Variants in BTG4 observed in about 807,000 individuals in gnomAD.
BTG4 encodes the protein protein BTG4.
A neutral mutation model predicts 19.3 loss-of-function variants in BTG4; 10 were observed. That is an observed-to-expected ratio of 0.52 (90% CI 0.32 to 0.88). The LOEUF is 0.88. Ranked by LOEUF, BTG4 falls within the 40% of genes least tolerant of loss-of-function variation. The pLI is 0.04. For missense variants in BTG4, 238 were observed against 281.9 expected (o/e 0.84, Z 1.11); for synonymous variants, 91 against 95.7 (o/e 0.95, Z 0.29).
intron 5 of BTG4, among the ~76,000 whole-genome samples, chr11:111,470,263 T>C (rs1186397305): frequency 1.3e-5 from 2 of 152,180 alleles, no homozygotes; most frequent in Non-Finnish European, 2.9e-5. Flanking sequence ...TCATAATTTT[T>C]TGTAGAGACA....
the BTG4 span, among the ~76,000 whole-genome samples, chr11:111,459,256 TG>T: frequency 1.3e-5 from 2 of 151,864 alleles, no homozygotes; most frequent in Non-Finnish European, 2.9e-5. Flanking sequence ...AAAAAAATTG[TG>T]CATACTTTAT....
At chr11:111,391,935 C>A in the BTG4 span, among the ~76,000 whole-genome samples, 4 of 152,052 alleles carry the variant, frequency 2.6e-5, no homozygotes, top group Admixed American at 6.5e-5. Flanking sequence ...GCTCTCATTG[C>A]GTTCCATTCT....
chr11:111,502,785 T>A (rs1029372343), intron 1 of BTG4, among the ~76,000 whole-genome samples: 15 of 152,214 alleles, frequency 9.9e-5, no homozygotes, highest in Non-Finnish European at 1.5e-4. Flanking sequence ...AATGAGGTTT[T>A]GAACCCTCTC....
the BTG4 span, among the ~76,000 whole-genome samples, chr11:111,428,939 G>T: frequency 6.6e-6 from 1 of 152,190 alleles, no homozygotes; most frequent in Non-Finnish European, 1.5e-5. Flanking sequence ...GCAATCACCC[G>T]TAATATTTAC....
chr11:111,442,351 A>G, the BTG4 span, among the ~76,000 whole-genome samples: 1 of 151,526 alleles, frequency 6.6e-6, no homozygotes, highest in African/African-American at 2.4e-5. Flanking sequence ...AATACAAAAA[A>G]TTAGCCAGGC....
the BTG4 span, chr11:111,457,321 G>C: frequency 6.6e-6 from 1 of 152,630 alleles, no homozygotes; most frequent in Admixed American, 6.5e-5. Context: ...GGCCCCTCTG[G>C]AGATGGGGGG....
intron 1 of BTG4, among the ~76,000 whole-genome samples, chr11:111,509,881 C>T (rs1451942883): frequency 8.2e-5 from 12 of 146,398 alleles, no homozygotes; most frequent in Non-Finnish European, 1.8e-4. Context: ...CTCCAATTGT[C>T]TCCATCTTTT....
intron 5 of BTG4, chr11:111,475,465 T>G (rs1445551053): frequency 6.6e-6 from 1 of 151,870 alleles, no homozygotes; most frequent in Non-Finnish European, 1.5e-5. Context: ...AGTAGATGGA[T>G]ATATATATAT....
the BTG4 span, among the ~76,000 whole-genome samples, chr11:111,418,753 A>G: frequency 6.6e-6 from 1 of 152,218 alleles, no homozygotes; most frequent in Non-Finnish European, 1.5e-5. Flanking sequence ...TTGAGAGTCC[A>G]TGAAGAAGCT....
chr11:111,453,481 T>C, the BTG4 span: 1 of 456,442 alleles, frequency 2.2e-6, no homozygotes, highest in Non-Finnish European at 4.4e-6. Flanking sequence ...TCAGCAAGAA[T>C]GCAACCTCGA....
the BTG4 span, chr11:111,456,834 A>C: frequency 3.8e-6 from 1 of 260,496 alleles, no homozygotes; most frequent in Admixed American, 4.2e-5. This position sits in a 1 kb window ranked among gnomAD's most constrained non-coding sequence, Gnocchi z 4.2. Context: ...GCTCCCAGGG[A>C]GCACAGCACA....
At chr11:111,401,386 G>T in the BTG4 span, among the ~76,000 whole-genome samples, 2 of 151,910 alleles carry the variant, frequency 1.3e-5, no homozygotes, top group Admixed American at 6.6e-5. Flanking sequence ...GGGGGCTGAG[G>T]CAGGAGAATG....
intron 1 of BTG4, among the ~76,000 whole-genome samples, chr11:111,504,874 A>G (rs1054082376): frequency 1.3e-5 from 2 of 151,998 alleles, no homozygotes; most frequent in African/African-American, 4.8e-5. Context: ...TAGGATAGCC[A>G]CGAAAAAGAC....
intron 5 of BTG4, among the ~76,000 whole-genome samples, chr11:111,473,681 A>G (rs181309396): frequency 1.4e-4 from 21 of 152,298 alleles, no homozygotes; most frequent in Admixed American, 6.5e-4. Context: ...AACTACATTG[A>G]GATACCACAC....
intron 1 of BTG4, among the ~76,000 whole-genome samples, chr11:111,510,989 A>G (rs1380048938): frequency 6.6e-6 from 1 of 152,212 alleles, no homozygotes. Flanking sequence ...TTTTATAACT[A>G]TCTCCTAACC....
At chr11:111,395,887 C>T in the BTG4 span, among the ~76,000 whole-genome samples, 1 of 152,230 alleles carries the variant, frequency 6.6e-6, no homozygotes, top group Middle Eastern at 3.2e-3. Flanking sequence ...GGCACGCCTC[C>T]TGCATCACCT....
chr11:111,394,499 C>T, the BTG4 span, among the ~76,000 whole-genome samples: 8 of 152,178 alleles, frequency 5.3e-5, no homozygotes, highest in African/African-American at 1.7e-4. Flanking sequence ...CATGCCTTTG[C>T]CTTCTGCCAT....
chr11:111,388,083 AG>A, the BTG4 span, among the ~76,000 whole-genome samples: 1 of 152,246 alleles, frequency 6.6e-6, no homozygotes, highest in East Asian at 1.9e-4. Context: ...AGGGATAACA[AG>A]GTAAGAAAGT....
chr11:111,413,818 A>G, the BTG4 span, among the ~76,000 whole-genome samples: 10 of 152,236 alleles, frequency 6.6e-5, no homozygotes, highest in Non-Finnish European at 1.3e-4. Context: ...GAGAGCAGGT[A>G]GGATGGATGT....
Sources: allele counts gnomAD v4.1 joint callset (sites outside exome capture counted in the v4.1 genomes callset), GRCh38; gene constraint gnomAD v4.1.1; non-coding constraint Gnocchi (gnomAD v3.1); transcripts MANE v1.5; gene names NCBI Gene and HGNC (gene_info 2026-07-23, HGNC 2026-07-21).